Variants in PXDC1 observed in about 807,000 individuals in gnomAD.
The protein encoded by PXDC1 is PX domain-containing protein 1.
PXDC1 carries 13 observed loss-of-function variants against 24.4 expected under a neutral mutation model. The ratio of observed to expected loss-of-function variants is 0.53; its 90% CI spans 0.35 to 0.85. The LOEUF is 0.85. Among genes scored for constraint, PXDC1 ranks in the 40% least tolerant of loss-of-function variants. PXDC1 has a pLI of 0.01. For synonymous variants in PXDC1, 162 were observed against 124.9 expected (o/e 1.30, Z -1.98); for missense variants, 344 against 309.3 (o/e 1.11, Z -0.84).
chr6:3,749,160 T>C (rs1180810211), intron 1 of PXDC1, among the ~76,000 whole-genome samples: 1 of 151,876 alleles, frequency 6.6e-6, no homozygotes, highest in Non-Finnish European at 1.5e-5. Flanking sequence ...AGGCAGGGCT[T>C]ATGGTCCCGG....
chr6:3,750,843 G>A (rs1295175284), intron 1 of PXDC1, among the ~76,000 whole-genome samples: 1 of 152,128 alleles, frequency 6.6e-6, no homozygotes, highest in Non-Finnish European at 1.5e-5. Flanking sequence ...CGCGACCCCC[G>A]GCTCGGACCC....
intron 1 of PXDC1, among the ~76,000 whole-genome samples, chr6:3,749,993 GAA>G (rs1760663350): frequency 6.6e-6 from 1 of 152,232 alleles, no homozygotes; most frequent in African/African-American, 2.4e-5. Flanking sequence ...TTCCATGCTT[GAA>G]ATAACACCCA....
At chr6:3,750,595 G>T (rs999232532) in intron 1 of PXDC1, among the ~76,000 whole-genome samples, 1 of 152,198 alleles carries the variant, frequency 6.6e-6, no homozygotes, top group African/African-American at 2.4e-5. Context: ...CGCGGTTTCT[G>T]AAAACAAGAA....
intron 1 of PXDC1, among the ~76,000 whole-genome samples, chr6:3,744,567 G>GAGACC (rs1194900478): frequency 6.6e-6 from 1 of 152,216 alleles, no homozygotes; most frequent in African/African-American, 2.4e-5. Context: ...GGGGAGAGCT[G>GAGACC]AGACCAGAAA....
At chr6:3,749,567 G>T (rs777280299) in intron 1 of PXDC1, among the ~76,000 whole-genome samples, 1 of 151,264 alleles carries the variant, frequency 6.6e-6, no homozygotes, top group Non-Finnish European at 1.5e-5. Flanking sequence ...TCCTGCTCCA[G>T]GTGAGGTATT....
intron 3 of PXDC1, among the ~76,000 whole-genome samples, chr6:3,735,206 TACG>T (rs1311466738): frequency 6.6e-6 from 1 of 152,134 alleles, no homozygotes; most frequent in Non-Finnish European, 1.5e-5. Context: ...TTTCAAAATA[TACG>T]ACAGAGCTAC....
At chr6:3,729,909 GA>G (rs1212364442) in intron 3 of PXDC1, among the ~76,000 whole-genome samples, 1 of 152,208 alleles carries the variant, frequency 6.6e-6, no homozygotes. Flanking sequence ...AAATTCTGAA[GA>G]GTTACTTTAC....
intron 3 of PXDC1, among the ~76,000 whole-genome samples, chr6:3,734,271 C>A (rs1760267808): frequency 6.6e-6 from 1 of 152,178 alleles, no homozygotes; most frequent in Non-Finnish European, 1.5e-5. Flanking sequence ...GGGCACTGTG[C>A]CTCAGGAGCT....
At chr6:3,731,493 C>T (rs908675536) in intron 3 of PXDC1, among the ~76,000 whole-genome samples, 3 of 152,208 alleles carry the variant, frequency 2.0e-5, no homozygotes, top group African/African-American at 7.2e-5. Flanking sequence ...AAATAGTTGA[C>T]TTTCAAGCTA....
rs777401136 is a variant in PXDC1, at chr6:3,737,192, G to C, written c.353C>G (p.Ser118Cys). 1.3e-6 allele frequency: 2 copies of C among 1,595,366 alleles called. No individual in the cohort carries two copies. The highest frequency in any genetic ancestry group is 1.1e-5 in the South Asian group (1 of 90,712). Residue 118 changes from serine to cysteine, a missense_variant, in exon 3 of 5, where the codon TCT (serine) becomes TGT (cysteine). Coordinates refer to ENST00000380283, the MANE Select transcript of PXDC1 (RefSeq NM_183373.4). The surrounding 1 kb of genome is among the most constrained non-coding windows in gnomAD (Gnocchi z 5.5). ...GAAGGTGAGCACAACTTCCGATCTA[G>C]AATACTGGGGAGAAATGCAGGGATT... ...KTIISMPCKY[S>C]RSEVVLTFFE...
rs1031306172 is a variant in PXDC1, at chr6:3,737,424, G to C, written c.349-228C>G. The stretch of plus-strand genomic sequence containing the variant: ...CTGAAAGGCAAGGCCTCAGCGACCT[G>C]GGCAGTGGAGGGAATCATGGCTCTG... On this transcript the variant is annotated intron_variant, in intron 2 of 4. Transcript: ENST00000380283. This position sits in a 1 kb window ranked among gnomAD's most constrained non-coding sequence, Gnocchi z 5.5. Among the ~76,000 whole-genome samples the C allele has an allele frequency of 3.3e-5, 5 of 152,218 alleles. No homozygotes were observed. Among genetic ancestry groups the C allele is most frequent in the Admixed American group, 6.5e-5 (1 of 15,286 alleles).
At chr6:3,735,819 T>C (rs1760304429) in intron 3 of PXDC1, among the ~76,000 whole-genome samples, 1 of 152,222 alleles carries the variant, frequency 6.6e-6, no homozygotes, top group Admixed American at 6.5e-5. Context: ...ATACTCTGAT[T>C]TGATTTTTAC....
intron 1 of PXDC1, among the ~76,000 whole-genome samples, chr6:3,746,249 G>T (rs1194369666): frequency 6.6e-6 from 1 of 152,220 alleles, no homozygotes; most frequent in African/African-American, 2.4e-5. Context: ...TGTCGGGGGG[G>T]CAGCAAACCA....
chr6:3,746,243 G>A (rs181946234), intron 1 of PXDC1, among the ~76,000 whole-genome samples: 69 of 152,124 alleles, frequency 4.5e-4, no homozygotes, highest in Admixed American at 4.0e-3. Context: ...GAGATCTGTC[G>A]GGGGGGCAGC....
chr6:3,728,677 G>T lies in PXDC1; in HGVS notation c.467-1015C>A, dbSNP rs1420099423. ...TCCTCCAATGAAAAATTTCAAAGTT[G>T]TATTAATCTCTGAGGATCCTTCTCA... On this transcript the variant is annotated intron_variant, in intron 3 of 4. Transcript: ENST00000380283. The surrounding 1 kb of genome is among the most constrained non-coding windows in gnomAD (Gnocchi z 4.0). Among the ~76,000 whole-genome samples, 1 of 152,122 alleles carries T rather than the reference G, an allele frequency of 6.6e-6. No individual in the cohort carries two copies. The highest frequency in any genetic ancestry group is 2.4e-5 in the African/African-American group (1 of 41,412).
chr6:3,723,631 GTC>G lies in PXDC1; in HGVS notation c.682_683del (p.Asp228HisfsTer47). On this transcript the variant is annotated frameshift_variant, in exon 5 of 5. Coordinates refer to ENST00000380283, the MANE Select transcript of PXDC1 (RefSeq NM_183373.4). LOFTEE classifies it high-confidence loss of function. Reference protein sequence around the residue: ...SYYHLVPFETDIWD With the variant: ...SYYHLVPFETXIWD ...CTGATAGAGAGGTTCAGTCCCAAAT[GTC>G]TGTCTCGAAGGGGACCAGGTGGTAA... The G allele has an allele frequency of 6.2e-7, 1 of 1,613,540 alleles. No individual in the cohort carries two copies. The highest frequency in any genetic ancestry group is 8.5e-7 in the Non-Finnish European group (1 of 1,179,450).
chr6:3,726,547 AC>A (rs971552209), intron 4 of PXDC1, among the ~76,000 whole-genome samples: 7 of 152,006 alleles, frequency 4.6e-5, no homozygotes, highest in South Asian at 4.2e-4. Context: ...CCTGACAGGG[AC>A]CCCCCCATGC....
In PXDC1 at chr6:3,741,724, G is replaced by A. The variant is rs115707698; in HGVS notation, c.257-3576C>T. Reference sequence around the variant, plus strand: ...AGCTCCAGAGCACGGCGACAAGAACGCAGCGCGGGGCTGCCTTGAGCAGCA... The same window carrying A: ...AGCTCCAGAGCACGGCGACAAGAACACAGCGCGGGGCTGCCTTGAGCAGCA... On this transcript the variant is annotated intron_variant, in intron 1 of 4. Coordinates refer to ENST00000380283, the MANE Select transcript of PXDC1 (RefSeq NM_183373.4). Among the ~76,000 whole-genome samples, 1,184 of 152,302 alleles carry A rather than the reference G, an allele frequency of 7.8e-3. 8 individuals are homozygous for A. Among genetic ancestry groups the A allele is most frequent in the Non-Finnish European group, 0.013 (872 of 68,032 alleles).
intron 1 of PXDC1, among the ~76,000 whole-genome samples, chr6:3,739,523 G>T (rs1336554154): frequency 2.0e-5 from 3 of 152,242 alleles, no homozygotes; most frequent in Admixed American, 1.3e-4. Flanking sequence ...AGAGGGGCAG[G>T]GTCCGTGGTC....
Sources: allele counts gnomAD v4.1 joint callset (sites outside exome capture counted in the v4.1 genomes callset), GRCh38; gene constraint gnomAD v4.1.1; non-coding constraint Gnocchi (gnomAD v3.1); transcripts MANE v1.5; gene names NCBI Gene and HGNC (gene_info 2026-07-23, HGNC 2026-07-21).